The following IFT46 variants were observed in gnomAD, a reference collection of about 807,000 sequenced individuals.
The protein encoded by IFT46 is intraflagellar transport 46.
In IFT46, 19 loss-of-function variants were observed where a neutral mutation model predicts 39.6. That is an observed-to-expected ratio of 0.48 (90% CI 0.33 to 0.70). The LOEUF (loss-of-function observed/expected upper bound fraction) is 0.70, where lower values mean the gene tolerates loss of function less well. Ranked by LOEUF, IFT46 falls within the 30% of genes least tolerant of loss-of-function variation. The probability of loss-of-function intolerance (pLI) is 0.01; values close to 1 mark genes in which losing one functional copy is unlikely to be tolerated. For synonymous variants in IFT46, 117 were observed against 134.8 expected (o/e 0.87, Z 0.91); for missense variants, 334 against 364.8 (o/e 0.92, Z 0.69).
Position 118,551,855 on chromosome 11 carries a change from A to G in IFT46, c.606-3T>C, listed in dbSNP as rs782676303. 2 of 1,613,428 alleles carry G rather than the reference A, an allele frequency of 1.2e-6. No homozygotes were observed. The highest frequency in any genetic ancestry group is 1.3e-5 in the African/African-American group (1 of 74,882). On this transcript the variant is annotated splice_region_variant and splice_polypyrimidine_tract_variant and intron_variant, in intron 8 of 11. Coordinates refer to ENST00000264021, the MANE Select transcript of IFT46 (RefSeq NM_001168618.2). ...GCGTGTCAATGTCGGGCATGGGCCT[A>G]AAAGTATAAAGGTAAATATGAACAA...
At chr11:118,556,702 GA>G (rs1555069553) in intron 4 of IFT46, among the ~76,000 whole-genome samples, 1 of 152,112 alleles carries the variant, frequency 6.6e-6, no homozygotes, top group African/African-American at 2.4e-5. Context: ...ATAGTAAAGT[GA>G]TACTATAGGA....
chr11:118,552,791 T>TA (rs879986858), intron 7 of IFT46, among the ~76,000 whole-genome samples: 2,274 of 134,364 alleles, frequency 0.017, 41 homozygotes, highest in African/African-American at 0.041. Context: ...ATCCTGTCTT[T>TA]AAAAAAAAAA....
upstream of IFT46, among the ~76,000 whole-genome samples, chr11:118,569,768 T>A (rs952421486): frequency 6.6e-6 from 1 of 152,232 alleles, no homozygotes; most frequent in Non-Finnish European, 1.5e-5. Flanking sequence ...TTAAATGAGA[T>A]AATCTGTGTG....
upstream of IFT46, among the ~76,000 whole-genome samples, chr11:118,573,467 TCTTC>T: frequency 6.6e-6 from 1 of 152,252 alleles, no homozygotes; most frequent in East Asian, 1.9e-4. Flanking sequence ...CATCACTCAA[TCTTC>T]CTTTATCGCT....
chr11:118,545,601 C>T, intron 10 of IFT46, 107 bp from the exon 11 acceptor site: 1 of 1,122,984 alleles, frequency 8.9e-7, no homozygotes, highest in Non-Finnish European at 1.3e-6. Flanking sequence ...GTCGCTATGA[C>T]TTTGGGGGTT....
chr11:118,556,156 G>A (rs1215843720), intron 4 of IFT46, among the ~76,000 whole-genome samples: 4 of 151,874 alleles, frequency 2.6e-5, no homozygotes, highest in East Asian at 1.9e-4. Flanking sequence ...CCGAGCAGCC[G>A]GGACTATGGG....
intron 1 of IFT46, among the ~76,000 whole-genome samples, chr11:118,571,845 T>C (rs1938342489): frequency 6.6e-6 from 1 of 152,144 alleles, no homozygotes; most frequent in Admixed American, 6.5e-5. Flanking sequence ...ATCCCAACAT[T>C]GGGAGGCTGA....
In IFT46 at chr11:118,554,708, T is replaced by C. The variant is rs1937768217; in HGVS notation, c.355-121A>G. 8.4e-6 allele frequency: 9 copies of C among 1,071,896 alleles called. No individual in the cohort carries two copies. The Middle Eastern group carries it at 9.2e-4, about 110-fold the overall frequency. The allele number at this position is 1,071,896 out of a possible 1,614,324, so 66.4% of individuals were successfully genotyped here. On this transcript the variant is annotated intron_variant, in intron 6 of 11. Coordinates refer to ENST00000264021, the MANE Select transcript of IFT46 (RefSeq NM_001168618.2). The stretch of plus-strand genomic sequence containing the variant: ...AGCATGCTTATCATGCTGTACGCAA[T>C]ACTATCCAGAAAAAAAATATTATCC...
At chr11:118,566,237 C>A (rs369809356), upstream of IFT46, among the ~76,000 whole-genome samples, 1 of 152,220 alleles carries the variant, frequency 6.6e-6, no homozygotes. Context: ...GCTCCCAGAT[C>A]AGTCTTACCA....
In IFT46 at chr11:118,549,942, G is replaced by C. The variant is rs1225155897; in HGVS notation, c.672+1844C>G. On this transcript the variant is annotated intron_variant, in intron 9 of 11. Coordinates refer to ENST00000264021, the MANE Select transcript of IFT46 (RefSeq NM_001168618.2). Reference sequence around the variant, plus strand: ...CATTATGACTTTTTTTTTTTTTTTTGAGATGGAGTCTCGCTCTATTACCCA... The same window carrying C: ...CATTATGACTTTTTTTTTTTTTTTTCAGATGGAGTCTCGCTCTATTACCCA... Among the ~76,000 whole-genome samples the C allele has an allele frequency of 1.1e-3, 107 of 98,284 alleles. 1 individual carries two copies. The highest frequency in any genetic ancestry group is 4.2e-3 in the African/African-American group (105 of 25,046). The allele number at this position is 98,284 out of a possible 152,430, so 64.5% of individuals were successfully genotyped here.
At chr11:118,554,905 C>A in intron 6 of IFT46, 85 bp downstream of exon 6, 1 of 1,059,546 alleles carries the variant, frequency 9.4e-7, no homozygotes, top group South Asian at 1.3e-5. Context: ...CAATGCTAGT[C>A]AAAGAAATTA....
intron 3 of IFT46, among the ~76,000 whole-genome samples, chr11:118,559,193 T>C (rs988158123): frequency 5.9e-5 from 9 of 151,974 alleles, no homozygotes; most frequent in Non-Finnish European, 1.2e-4. Context: ...TAAGAAATCA[T>C]ATGTGCAACT....
chr11:118,557,309 A>G lies in IFT46; in HGVS notation c.46-264T>C, dbSNP rs183270384. ...TCTAATTTTATCTATTGTACATATTACTTAGATCTTCAGGGCCCTGTGTAC... is the reference window on the plus strand; with the variant it reads ...TCTAATTTTATCTATTGTACATATTGCTTAGATCTTCAGGGCCCTGTGTAC... On this transcript the variant is annotated intron_variant, in intron 3 of 11. Transcript: ENST00000264021. The G allele has an allele frequency of 4.0e-4, 167 of 415,656 alleles. 2 individuals are homozygous for G. In the East Asian group the frequency reaches 4.8e-3, roughly 12 times the overall value. 25.7% of individuals were successfully genotyped at this position (415,656 alleles called of 1,614,324 possible).
upstream of IFT46, among the ~76,000 whole-genome samples, chr11:118,574,609 A>T (rs886424098): frequency 1.3e-5 from 2 of 152,326 alleles, no homozygotes; most frequent in Middle Eastern, 3.4e-3. Flanking sequence ...TTGATTTTTT[A>T]AAAAATAAAT....
intron 9 of IFT46, chr11:118,546,130 C>A: frequency 1.4e-6 from 1 of 718,450 alleles, no homozygotes; most frequent in South Asian, 1.5e-5. Context: ...AAGAAGAAAT[C>A]AGGACAAAGA....
chr11:118,548,205 T>C (rs1951739960), intron 9 of IFT46, among the ~76,000 whole-genome samples: 1 of 150,774 alleles, frequency 6.6e-6, no homozygotes. Flanking sequence ...CTTATTAATA[T>C]ATAAGAGCTC....
chr11:118,560,850 G>A (rs181475284), intron 2 of IFT46: 83 of 759,144 alleles, frequency 1.1e-4, no homozygotes, highest in South Asian at 3.1e-4. Context: ...ATGATAGTTC[G>A]TGTAACAAAC....
chr11:118,558,134 G>C (rs888855635), intron 3 of IFT46, among the ~76,000 whole-genome samples: 1 of 152,098 alleles, frequency 6.6e-6, no homozygotes, highest in African/African-American at 2.4e-5. Context: ...TTCTAACTAA[G>C]CTGTAATATG....
intron 9 of IFT46, 28 bp from the exon 10 acceptor site, chr11:118,545,881 CA>C: frequency 6.2e-7 from 1 of 1,607,914 alleles, no homozygotes; most frequent in Non-Finnish European, 8.5e-7. Flanking sequence ...GGACCAAAGT[CA>C]AAAGGATGGT....
Sources: gnomAD v4.1 joint callset for allele counts (sites outside exome capture counted in the v4.1 genomes callset) on GRCh38, gnomAD v4.1.1 for gene constraint, MANE v1.5 for transcripts, NCBI Gene and HGNC (gene_info 2026-07-23, HGNC 2026-07-21) for gene names.